SFTPA1: variants seen among roughly 807,000 people sequenced by gnomAD.
The protein encoded by SFTPA1 is surfactant protein A1, also known as pulmonary surfactant-associated protein A1.
A neutral mutation model predicts 19.1 loss-of-function variants in SFTPA1; 13 were observed. The observed-to-expected ratio is 0.68, with a 90% confidence interval of 0.44 to 1.08. The LOEUF (loss-of-function observed/expected upper bound fraction) is 1.08, where lower values mean the gene tolerates loss of function less well. SFTPA1 is among the 50% of genes least tolerant of loss of function. The pLI is 0.00. For missense variants in SFTPA1, 259 were observed against 316.4 expected, an observed-to-expected ratio of 0.82 and a Z score of 1.38; for synonymous variants, 101 against 117.0, an observed-to-expected ratio of 0.86 and a Z score of 0.88.
rs762765380 is a variant in SFTPA1 at position 79,614,094 on chromosome 10, T to C, written c.728T>C (p.Leu243Pro). The C allele has an allele frequency of 6.2e-7, 1 of 1,614,218 alleles. No individual in the cohort carries two copies. Among genetic ancestry groups the C allele is most frequent in the Non-Finnish European group, 8.5e-7 (1 of 1,180,026 alleles). Residue 243 changes from leucine to proline, a missense_variant, in exon 6 of 6, where the codon CTG becomes CCG. Leu to Pro is a moderately conservative substitution (Grantham distance 98). Coordinates refer to ENST00000398636, the MANE Select transcript of SFTPA1 (RefSeq NM_005411.5). The part of the protein sequence containing the change: ...WNDRNCLYSR[L>P]TICEF The stretch of plus-strand genomic sequence containing the variant: ...GACAGGAACTGCCTGTACTCCCGAC[T>C]GACCATCTGTGAGTTCTGAGAGGCA...
At position 79,615,065 on chromosome 10, in the gene SFTPA1, G is replaced by GAA; in HGVS notation, c.*952_*953insAA. On this transcript the variant is annotated 3_prime_UTR_variant, in exon 6 of 6. Coordinates refer to ENST00000398636, the MANE Select transcript of SFTPA1 (RefSeq NM_005411.5). ...GAGCTTATGTCTTCATCTGTGAAAT[G>GAA]GGAATAAGATACTTGTTGCTGTCAC... 1 of 1,305,182 alleles carries GAA rather than the reference G, an allele frequency of 7.7e-7. No homozygotes were observed. The highest frequency in any genetic ancestry group is 1.2e-5 in the South Asian group (1 of 80,982). The allele number at this position is 1,305,182 out of a possible 1,614,324, so 80.9% of individuals were successfully genotyped here.
rs1374462947 is a variant in SFTPA1, at chr10:79,615,007, T to TA, written c.*896dup. On this transcript the variant is annotated 3_prime_UTR_variant, in exon 6 of 6. Transcript: ENST00000398636. Reference sequence around the variant, plus strand: ...AGGATATGTCGTGGGGTGGGCAAGGTAATCAGTGACAGTTGAAGATTTTTT... The same window carrying TA: ...AGGATATGTCGTGGGGTGGGCAAGGTAAATCAGTGACAGTTGAAGATTTTTT... 2.5e-5 allele frequency: 32 copies of TA among 1,305,222 alleles called. No individual in the cohort carries two copies. The highest frequency in any genetic ancestry group is 3.1e-5 in the Non-Finnish European group (31 of 988,946). 80.9% of individuals were successfully genotyped at this position (1,305,222 alleles called of 1,614,324 possible).
Position 79,614,138 on chromosome 10 carries a change from G to A in SFTPA1, c.*25G>A, listed in dbSNP as rs780452317. ...AGAGGCATTTAGGCCATGGGACAGG[G>A]AGGACGCTCTCTGGCCTTCGGCCTC... On this transcript the variant is annotated 3_prime_UTR_variant, in exon 6 of 6. Transcript: ENST00000398636. The A allele has an allele frequency of 1.2e-6, 2 of 1,614,254 alleles. No individual in the cohort carries two copies. The highest frequency in any genetic ancestry group is 2.2e-5 in the South Asian group (2 of 91,086).
rs774587775 is a variant in SFTPA1, at chr10:79,615,087, TCA to T, written c.*977_*978del. On this transcript the variant is annotated 3_prime_UTR_variant, in exon 6 of 6. Coordinates refer to ENST00000398636, the MANE Select transcript of SFTPA1 (RefSeq NM_005411.5). ...AATGGGAATAAGATACTTGTTGCTGTCACAGTTATTACCATCCCCCCAGCTAC... is the reference window on the plus strand; with the variant it reads ...AATGGGAATAAGATACTTGTTGCTGTCAGTTATTACCATCCCCCCAGCTAC... 2.9e-5 allele frequency: 38 copies of T among 1,305,130 alleles called. No homozygotes were observed. Among genetic ancestry groups the T allele is most frequent in the Non-Finnish European group, 5.1e-6 (5 of 988,890 alleles). 80.8% of individuals were successfully genotyped at this position (1,305,130 alleles called of 1,614,324 possible). A position where few individuals can be genotyped will look rare whatever the true frequency, so the allele number is the denominator to read the frequency against.
Position 79,614,833 on chromosome 10 carries a change from C to A in SFTPA1, c.*720C>A. 4.2e-6 allele frequency: 2 copies of A among 481,026 alleles called. No individual in the cohort carries two copies. Among genetic ancestry groups the A allele is most frequent in the Non-Finnish European group, 7.2e-6 (2 of 277,548 alleles). 29.8% of individuals were successfully genotyped at this position (481,026 alleles called of 1,614,324 possible). On this transcript the variant is annotated 3_prime_UTR_variant, in exon 6 of 6. Coordinates refer to ENST00000398636, the MANE Select transcript of SFTPA1 (RefSeq NM_005411.5). ...CCTAGAGCCGCCTTCAGATGTGACC[C>A]GAGTAACTTTCAACTGATGAACAAA...
At chr10:79,612,645 TG>T (rs911001752) in intron 4 of SFTPA1, among the ~76,000 whole-genome samples, 11 of 151,978 alleles carry the variant, frequency 7.2e-5, no homozygotes, top group African/African-American at 2.4e-4. Flanking sequence ...AAGTCCTCCG[TG>T]CCTCATGACC....
intron 4 of SFTPA1, 69 bp from the exon 5 acceptor site, chr10:79,613,120 C>T: frequency 6.2e-7 from 1 of 1,612,970 alleles, no homozygotes; most frequent in Non-Finnish European, 8.5e-7. Flanking sequence ...GATGGCAAAA[C>T]ACCTGCGTGG....
At position 79,613,717 on chromosome 10, in the gene SFTPA1, C is replaced by T; in HGVS notation, c.371-20C>T. The T allele has an allele frequency of 6.2e-7, 1 of 1,613,904 alleles. No homozygotes were observed. Among genetic ancestry groups the T allele is most frequent in the South Asian group, 1.1e-5 (1 of 91,072 alleles). ...GAGACAAAGTGGTCAGTGGCCTGAC[C>T]CGGACTCCTCTGCTCTCAGCCCTCA... is the stretch of plus-strand genomic sequence containing the variant. On this transcript the variant is annotated intron_variant, in intron 5 of 5. Transcript: ENST00000398636.
rs771971592 is a variant in SFTPA1 at position 79,612,382 on chromosome 10, C to T, written c.243C>T (p.Ile81=). 3 of 1,613,834 alleles carry T rather than the reference C, an allele frequency of 1.9e-6. No homozygotes were observed. Among genetic ancestry groups the T allele is most frequent in the Non-Finnish European group, 2.5e-6 (3 of 1,179,888 alleles). Residue 81 remains isoleucine (I), a synonymous_variant, in exon 4 of 6, where the codon ATC becomes ATT. Coordinates refer to ENST00000398636, the MANE Select transcript of SFTPA1 (RefSeq NM_005411.5). ...ATGGGCTGCCTGGAGCCCCTGGTAT[C>T]CCTGGAGAGTGTGGAGAGAAGGGGG... ...GNDGLPGAPG[I]PGECGEKGEP...
chr10:79,611,759 G>T (rs754494175), intron 2 of SFTPA1, 44 bp from the exon 3 acceptor site: 4 of 1,613,404 alleles, frequency 2.5e-6, no homozygotes, highest in Non-Finnish European at 3.4e-6. Context: ...TGGGGGAGAT[G>T]TTGGCAGAGG....
chr10:79,612,472 C>T, intron 4 of SFTPA1, 41 bp downstream of exon 4: 1 of 1,602,402 alleles, frequency 6.2e-7, no homozygotes, highest in Non-Finnish European at 8.5e-7. Context: ...AACATGGGCA[C>T]AGCGACCCTG....
Position 79,614,151 on chromosome 10 carries a change from G to A in SFTPA1, c.*38G>A, listed in dbSNP as rs1362629148. 6.2e-7 allele frequency: 1 copy of A among 1,614,186 alleles called. No homozygotes were observed. Among genetic ancestry groups the A allele is most frequent in the African/African-American group, 1.3e-5 (1 of 75,066 alleles). On this transcript the variant is annotated 3_prime_UTR_variant, in exon 6 of 6. Coordinates refer to ENST00000398636, the MANE Select transcript of SFTPA1 (RefSeq NM_005411.5). ...CCATGGGACAGGGAGGACGCTCTCTGGCCTTCGGCCTCCATCCTGAGGCTC... is the reference window on the plus strand; with the variant it reads ...CCATGGGACAGGGAGGACGCTCTCTAGCCTTCGGCCTCCATCCTGAGGCTC...
In SFTPA1 at chr10:79,613,665, G is replaced by C. The variant is rs548828590; in HGVS notation, c.371-72G>C. 459 of 1,611,370 alleles carry C rather than the reference G, an allele frequency of 2.8e-4. 2 individuals carry two copies. The South Asian group carries it at 4.0e-3, about 14-fold the overall frequency. ...AGAGACTGGGGAGAATCTGGTAGCA[G>C]AGACCCCAGGTGAGGGAGGTGGCTT... On this transcript the variant is annotated intron_variant, in intron 5 of 5. Transcript: ENST00000398636.
chr10:79,612,134 G>T, intron 3 of SFTPA1, 137 bp downstream of exon 3: 2 of 1,590,480 alleles, frequency 1.3e-6, no homozygotes, highest in Non-Finnish European at 8.6e-7. Context: ...AGTCTGCAGG[G>T]CTGGTGGGTT....
rs4253601 is a variant in SFTPA1 at position 79,614,278 on chromosome 10, G to A, written c.*165G>A. The A allele has an allele frequency of 0.085, 94,866 of 1,113,528 alleles. 4,729 individuals are homozygous for A. The highest frequency in any genetic ancestry group is 0.097 in the South Asian group (6,241 of 64,132). The allele number at this position is 1,113,528 out of a possible 1,614,324, so 69.0% of individuals were successfully genotyped here. ...CCACTTCATTCCTCTGATGGGCCCTGACTCTTCCCCATAATCACTGACCAG... is the reference window on the plus strand; with the variant it reads ...CCACTTCATTCCTCTGATGGGCCCTAACTCTTCCCCATAATCACTGACCAG... On this transcript the variant is annotated 3_prime_UTR_variant, in exon 6 of 6. Transcript: ENST00000398636.
rs778097415 is a variant in SFTPA1 at position 79,611,819 on chromosome 10, C to G, written c.-7C>G. The G allele has an allele frequency of 7.4e-6, 12 of 1,614,052 alleles. No individual in the cohort carries two copies. Among genetic ancestry groups the G allele is most frequent in the Non-Finnish European group, 9.3e-6 (11 of 1,179,876 alleles). On this transcript the variant is annotated 5_prime_UTR_variant, in exon 3 of 6. Transcript: ENST00000398636. ...CTCCTGCAGGAGCAGCGACTGGACC[C>G]AGAGCCATGTGGCTGTGCCCTCTGG...
In SFTPA1 at chr10:79,614,901, C is replaced by A. The variant is rs4253537; in HGVS notation, c.*788C>A. The A allele has an allele frequency of 1.9e-6, 2 of 1,026,878 alleles. No individual in the cohort carries two copies. The highest frequency in any genetic ancestry group is 1.7e-5 in the African/African-American group (1 of 60,098). The allele number at this position is 1,026,878 out of a possible 1,614,324, so 63.6% of individuals were successfully genotyped here. A position where few individuals can be genotyped will look rare whatever the true frequency, so the allele number is the denominator to read the frequency against. On this transcript the variant is annotated 3_prime_UTR_variant, in exon 6 of 6. Transcript: ENST00000398636. The stretch of plus-strand genomic sequence containing the variant: ...ATTTCAGTGGGCATTCACACCACCC[C>A]CCACACCACTGGCTCTGCTTTCTCC...
rs887922008 is a variant in SFTPA1, at chr10:79,610,957, C to G, written c.-120C>G. The G allele has an allele frequency of 1.3e-5, 2 of 152,378 alleles. No individual in the cohort carries two copies. The highest frequency in any genetic ancestry group is 2.9e-5 in the Non-Finnish European group (2 of 68,228). The allele number at this position is 152,378 out of a possible 1,614,324, so 9.4% of individuals were successfully genotyped here. A position where few individuals can be genotyped will look rare whatever the true frequency, so the allele number is the denominator to read the frequency against. On this transcript the variant is annotated 5_prime_UTR_variant, in exon 1 of 6. Coordinates refer to ENST00000398636, the MANE Select transcript of SFTPA1 (RefSeq NM_005411.5). Reference sequence around the variant, plus strand: ...ACCCTCTGACTTGGAGGCAGAGACCCAAGCAGCTGGAGGCTCTGTGTGTGG... The same window carrying G: ...ACCCTCTGACTTGGAGGCAGAGACCGAAGCAGCTGGAGGCTCTGTGTGTGG...
chr10:79,612,784 C>T lies in SFTPA1; in HGVS notation c.292+353C>T, dbSNP rs2678650. Among the ~76,000 whole-genome samples, 1,146 of 151,524 alleles carry T rather than the reference C, an allele frequency of 7.6e-3. 17 individuals carry two copies. Among genetic ancestry groups the T allele is most frequent in the African/African-American group, 0.026 (1,047 of 40,894 alleles). On this transcript the variant is annotated intron_variant, in intron 4 of 5. Transcript: ENST00000398636. ...AATGCGGACGAGGCATCCAGACAGACGGTGTGATCAGGAGCCCCACAGACA... is the reference window on the plus strand; with the variant it reads ...AATGCGGACGAGGCATCCAGACAGATGGTGTGATCAGGAGCCCCACAGACA...
Sources: gnomAD v4.1 joint callset for allele counts (sites outside exome capture counted in the v4.1 genomes callset) on GRCh38, gnomAD v4.1.1 for gene constraint, MANE v1.5 for transcripts, NCBI Gene and HGNC (gene_info 2026-07-23, HGNC 2026-07-21) for gene names.